MYH6: variants seen among roughly 807,000 people sequenced by gnomAD.
The protein encoded by MYH6 is myosin-6.
Under a neutral mutation model 223.2 loss-of-function variants are expected in MYH6, and 126 were observed. The ratio of observed to expected loss-of-function variants is 0.56; its 90% CI spans 0.49 to 0.65. The LOEUF (loss-of-function observed/expected upper bound fraction) is 0.65, where lower values mean the gene tolerates loss of function less well. Among genes scored for constraint, MYH6 ranks in the 30% least tolerant of loss-of-function variants. MYH6 has a pLI of 0.00. For synonymous variants in MYH6, 978 were observed against 1,010.2 expected, an observed-to-expected ratio of 0.97 and a Z score of 0.61; for missense variants, 2,040 against 2,536.4, an observed-to-expected ratio of 0.80 and a Z score of 4.20.
In MYH6 at chr14:23,389,499, CG is replaced by C. The variant is rs1447139586; in HGVS notation, c.3871del (p.Arg1291GlyfsTer3). ...TAGCGCCTCCTTTTCCTCTAGCTGCCGGGCCAACTCTCCTGGAGGTGAAATG... is the reference window on the plus strand; with the variant it reads ...TAGCGCCTCCTTTTCCTCTAGCTGCCGGCCAACTCTCCTGGAGGTGAAATG... ...KLQTENGELA[R>X]QLEEKEALIS... On this transcript the variant is annotated frameshift_variant, in exon 28 of 39. Transcript: ENST00000405093. LOFTEE classifies it high-confidence loss of function. 2 of 1,614,080 alleles carry C rather than the reference CG, an allele frequency of 1.2e-6. No homozygotes were observed. Among genetic ancestry groups the C allele is most frequent in the Non-Finnish European group, 8.5e-7 (1 of 1,180,050 alleles).
intron 38 of MYH6, 26 bp downstream of exon 38, chr14:23,382,402 T>G (rs1169768758): frequency 1.2e-6 from 2 of 1,613,806 alleles, no homozygotes; most frequent in Non-Finnish European, 1.7e-6. Context: ...TGGAAGTGAC[T>G]AGTGAAGCCC....
Position 23,407,310 on chromosome 14 carries a change from G to A in MYH6, c.-13-74C>T. 2 of 1,544,386 alleles carry A rather than the reference G, an allele frequency of 1.3e-6. No homozygotes were observed. The highest frequency in any genetic ancestry group is 1.8e-6 in the Non-Finnish European group (2 of 1,125,128). On this transcript the variant is annotated intron_variant, in intron 2 of 38. Coordinates refer to ENST00000405093, the MANE Select transcript of MYH6 (RefSeq NM_002471.4). This position sits in a 1 kb window ranked among gnomAD's most constrained non-coding sequence, Gnocchi z 5.6. ...CCAGCGAGTGGCTTTGTCCTCTGCA[G>A]CCCCCCTCCCTACCCCCGCTCCTCT...
intron 1 of MYH6, 47 bp downstream of exon 1, chr14:23,408,206 G>A (rs745916965): frequency 2.2e-4 from 219 of 984,002 alleles, no homozygotes; most frequent in Non-Finnish European, 2.5e-4. Flanking sequence ...CACGGTGGGG[G>A]CTCTGTGGAC....
Position 23,404,422 on chromosome 14 carries a change from T to G in MYH6, c.643-34A>C, listed in dbSNP as rs757621164. 3 of 1,609,174 alleles carry G rather than the reference T, an allele frequency of 1.9e-6. No individual in the cohort carries two copies. The South Asian group carries it at 3.3e-5, about 18-fold the overall frequency. On this transcript the variant is annotated intron_variant, in intron 7 of 38. Transcript: ENST00000405093. ...GGAGCAGAACTGCATGGGTTCATCC[T>G]CCATCCACCTCCAGGCAGTGGTGAG...
chr14:23,388,727 G>A, intron 29 of MYH6, 132 bp downstream of exon 29: 1 of 1,350,380 alleles, frequency 7.4e-7, no homozygotes. Flanking sequence ...TTTCTTCCAA[G>A]CACTTCTGTT....
intron 36 of MYH6, 21 bp from the exon 37 acceptor site, chr14:23,383,341 G>GGGGGGGGGGGGGGGCCCCCCCCCCCCCC: frequency 1.8e-6 from 1 of 556,582 alleles, no homozygotes; most frequent in East Asian, 4.9e-5. Context: ...GAGGGTGGGA[G>GGGGGGGGGGGGGGGCCCCCCCCCCCCCC]AAGCTGGTTT....
Position 23,394,178 on chromosome 14 carries a change from C to A in MYH6, c.2575G>T (p.Gly859Trp), listed in dbSNP as rs369274077. The stretch of plus-strand genomic sequence containing the variant: ...TTCTCCAGCGTCTCTTTGATGCGCC[C>A]GAACTCTTCCTTCATGGTGGCCATC... ...KEMATMKEEFGRIKETLEKSE... is the reference protein window; with the variant it reads ...KEMATMKEEFWRIKETLEKSE... Residue 859 changes from glycine to tryptophan, a missense_variant, in exon 21 of 39, where the codon GGG becomes TGG. Gly to Trp is a radical substitution (Grantham distance 184). Coordinates refer to ENST00000405093, the MANE Select transcript of MYH6 (RefSeq NM_002471.4). 4.2e-5 allele frequency: 67 copies of A among 1,614,094 alleles called. No individual in the cohort carries two copies. Among genetic ancestry groups the A allele is most frequent in the Non-Finnish European group, 5.5e-5 (65 of 1,180,042 alleles).
In MYH6 at chr14:23,404,305, G is replaced by A. The variant is rs1349997048; in HGVS notation, c.726C>T (p.Ser242=). 4.3e-6 allele frequency: 7 copies of A among 1,614,116 alleles called. No homozygotes were observed. The Admixed American group carries it at 5.0e-5, about 12-fold the overall frequency. ...GGTCAAAGGCACTCACAAAGCGGGAGGAGTTGTCGTTCCGGACAGTCTTGG... is the reference window on the plus strand; with the variant it reads ...GGTCAAAGGCACTCACAAAGCGGGAAGAGTTGTCGTTCCGGACAGTCTTGG... ...GNAKTVRNDN[S]SRFGKFIRIH... Residue 242 remains serine (S), a synonymous_variant, in exon 8 of 39, where the codon TCC becomes TCT. Coordinates refer to ENST00000405093, the MANE Select transcript of MYH6 (RefSeq NM_002471.4).
intron 8 of MYH6, 137 bp downstream of exon 8, chr14:23,404,159 T>A: frequency 9.0e-7 from 1 of 1,110,666 alleles, no homozygotes; most frequent in Non-Finnish European, 1.4e-6. Context: ...CCAAAGCCTA[T>A]GCTCTCTTCC....
Position 23,389,650 on chromosome 14 carries a change from C to T in MYH6, c.3802G>A (p.Ala1268Thr), listed in dbSNP as rs777331087. The change falls in exon 27 of 39, where the codon GCC becomes ACC. Residue 1268 changes from alanine (A) to threonine (T), a missense_variant. Transcript: ENST00000405093. ...GTGAAATCATTGAGGGAGCGTTGGG[C>T]CTCTTCTAGCTTCACGCGGTACTCA... ...ANEYRVKLEEAQRSLNDFTTQ... is the reference protein window; with the variant it reads ...ANEYRVKLEETQRSLNDFTTQ... 8 of 1,614,018 alleles carry T rather than the reference C, an allele frequency of 5.0e-6. No homozygotes were observed. In the South Asian group the frequency reaches 8.8e-5, roughly 18 times the overall value.
chr14:23,402,608 A>AT lies in MYH6; in HGVS notation c.1003-7_1003-6insA. The AT allele has an allele frequency of 6.2e-7, 1 of 1,613,730 alleles. No homozygotes were observed. The highest frequency in any genetic ancestry group is 8.5e-7 in the Non-Finnish European group (1 of 1,179,958). ...CCCAGCACGTCAAAGGCACTCTGGGACAGAGCGAGAGACAAAGAGGGGGGT... is the reference window on the plus strand; with the variant it reads ...CCCAGCACGTCAAAGGCACTCTGGGATCAGAGCGAGAGACAAAGAGGGGGGT... On this transcript the variant is annotated splice_polypyrimidine_tract_variant and splice_region_variant and intron_variant, in intron 11 of 38. Transcript: ENST00000405093.
At position 23,386,377 on chromosome 14, in the gene MYH6, G is replaced by A; in HGVS notation, c.4897C>T (p.His1633Tyr). 6.2e-7 allele frequency: 1 copy of A among 1,614,154 alleles called. No individual in the cohort carries two copies. The highest frequency in any genetic ancestry group is 2.2e-5 in the East Asian group (1 of 44,882). Residue 1633 changes from histidine (H) to tyrosine (Y), a missense_variant, in exon 33 of 39, where the codon CAC becomes TAC. Around this residue, in one of 4 missense-constraint regions of MYH6, gnomAD observed 1,203 missense variants for 1,400.2 expected, o/e 0.86. Coordinates refer to ENST00000405093, the MANE Select transcript of MYH6 (RefSeq NM_002471.4). ...GCCTCGGCAGCCATGCGGTTGGCGT[G>A]GCTGAGCTGGATCTCCATCTCATTG... is the stretch of plus-strand genomic sequence containing the variant. ...DLNEMEIQLS[H>Y]ANRMAAEAQK...
In MYH6 at chr14:23,386,482, A is replaced by G. The variant is rs771806821; in HGVS notation, c.4792T>C (p.Ser1598Pro). The G allele has an allele frequency of 1.9e-6, 3 of 1,614,012 alleles. No individual in the cohort carries two copies. Among genetic ancestry groups the G allele is most frequent in the South Asian group, 2.2e-5 (2 of 91,078 alleles). The change falls in exon 33 of 39, where the codon TCG becomes CCG. Residue 1598 changes from serine to proline, a missense_variant. By Grantham distance (74) the Ser-to-Pro change is moderately conservative. Coordinates refer to ENST00000405093, the MANE Select transcript of MYH6 (RefSeq NM_002471.4). Reference sequence around the variant, plus strand: ...TCTGCATCCAGGGAGGTCTGCAGCGAGTCCACCACCCGCTGGTGGTTGCGC... The same window carrying G: ...TCTGCATCCAGGGAGGTCTGCAGCGGGTCCACCACCCGCTGGTGGTTGCGC... ...AKRNHQRVVD[S>P]LQTSLDAETR...
chr14:23,383,464 T>G (rs1890923361), intron 36 of MYH6, 144 bp from the exon 37 acceptor site: 1 of 695,900 alleles, frequency 1.4e-6, no homozygotes, highest in Non-Finnish European at 2.5e-6. Context: ...TGGGGAAGAT[T>G]CTCTGACTCT....
In MYH6 at chr14:23,386,586, G is replaced by C. The variant is rs1750202354; in HGVS notation, c.4688C>G (p.Ala1563Gly). ...CTTGATCTGGTTGAACTCTAGCTGG[G>C]CCCGGAGGATCTTGCCCTCCTCGTG... ...LEHEEGKILRAQLEFNQIKAE... is the reference protein window; with the variant it reads ...LEHEEGKILRGQLEFNQIKAE... Residue 1563 changes from alanine to glycine, a missense_variant, in exon 33 of 39, where the codon GCC (alanine) becomes GGC (glycine). Coordinates refer to ENST00000405093, the MANE Select transcript of MYH6 (RefSeq NM_002471.4). 2 of 1,607,542 alleles carry C rather than the reference G, an allele frequency of 1.2e-6. No homozygotes were observed. The highest frequency in any genetic ancestry group is 1.7e-6 in the Non-Finnish European group (2 of 1,176,262).
rs1220888627 is a variant in MYH6, at chr14:23,407,106, G to A, written c.118C>T (p.Pro40Ser). 1 of 1,614,094 alleles carries A rather than the reference G, an allele frequency of 6.2e-7. No homozygotes were observed. Among genetic ancestry groups the A allele is most frequent in the African/African-American group, 1.3e-5 (1 of 74,918 alleles). The change falls in exon 3 of 39, where the codon CCC (proline) becomes TCC (serine). Residue 40 changes from proline (P) to serine (S), a missense_variant. Pro to Ser is a moderately conservative substitution (Grantham distance 74). Coordinates refer to ENST00000405093, the MANE Select transcript of MYH6 (RefSeq NM_002471.4). This position sits in a 1 kb window ranked among gnomAD's most constrained non-coding sequence, Gnocchi z 5.6. ...TTGACAAACTCTTCCTTGTCATCGG[G>A]CACGAAGCACTCAGTGCGAATGTCA... ...PFDIRTECFVPDDKEEFVKAK... is the reference protein window; with the variant it reads ...PFDIRTECFVSDDKEEFVKAK...
chr14:23,403,338 G>A lies in MYH6; in HGVS notation c.898+10C>T, dbSNP rs1202820320. The A allele has an allele frequency of 6.2e-7, 1 of 1,609,836 alleles. No individual in the cohort carries two copies. The highest frequency in any genetic ancestry group is 8.5e-7 in the Non-Finnish European group (1 of 1,176,164). Reference sequence around the variant, plus strand: ...GACAGCAGTGGGTGGGGGGTGGCAGGCAGGTTCACCCAGCAACTCCGGCTT... The same window carrying A: ...GACAGCAGTGGGTGGGGGGTGGCAGACAGGTTCACCCAGCAACTCCGGCTT... On this transcript the variant is annotated intron_variant, in intron 10 of 38. Coordinates refer to ENST00000405093, the MANE Select transcript of MYH6 (RefSeq NM_002471.4).
rs1364536885 is a variant in MYH6 at position 23,384,314 on chromosome 14, C to T, written c.5565+128G>A. Reference sequence around the variant, plus strand: ...GACTCAAGTCAAACTGACTGCAGAGCGTGAGAAGAACGTTAAATCTACCAA... The same window carrying T: ...GACTCAAGTCAAACTGACTGCAGAGTGTGAGAAGAACGTTAAATCTACCAA... On this transcript the variant is annotated intron_variant, in intron 36 of 38. Coordinates refer to ENST00000405093, the MANE Select transcript of MYH6 (RefSeq NM_002471.4). 26 of 1,430,474 alleles carry T rather than the reference C, an allele frequency of 1.8e-5. No homozygotes were observed. The South Asian group carries it at 2.4e-4, about 13-fold the overall frequency. The allele number at this position is 1,430,474 out of a possible 1,614,324, so 88.6% of individuals were successfully genotyped here.
intron 36 of MYH6, among the ~76,000 whole-genome samples, chr14:23,383,905 GC>G (rs1260362930): frequency 6.6e-6 from 1 of 152,076 alleles, no homozygotes; most frequent in Non-Finnish European, 1.5e-5. Context: ...TCTTTCTTGT[GC>G]CTCTGGTATC....
Sources: allele counts gnomAD v4.1 joint callset (sites outside exome capture counted in the v4.1 genomes callset), GRCh38; gene constraint gnomAD v4.1.1; regional missense constraint gnomAD v4.1.1; non-coding constraint Gnocchi (gnomAD v3.1); transcripts MANE v1.5; gene names NCBI Gene and HGNC (gene_info 2026-07-23, HGNC 2026-07-21).